The following SLC39A6 variants were observed in gnomAD, a reference collection of about 807,000 sequenced individuals.
The protein encoded by SLC39A6 is solute carrier family 39 member 6.
SLC39A6 carries 51 observed loss-of-function variants against 63.5 expected under a neutral mutation model. The observed-to-expected ratio is 0.80, with a 90% CI of 0.64 to 1.01. The LOEUF (loss-of-function observed/expected upper bound fraction) is 1.01, where lower values mean the gene tolerates loss of function less well. SLC39A6 is among the 50% of genes least tolerant of loss of function. The pLI is 0.00. For synonymous variants in SLC39A6, 318 were observed against 324.7 expected, an observed-to-expected ratio of 0.98 and a Z score of 0.22; for missense variants, 805 against 927.8, an observed-to-expected ratio of 0.87 and a Z score of 1.72.
intron 5 of SLC39A6, among the ~76,000 whole-genome samples, chr18:36,117,802 T>C (rs1624162): frequency 0.3 from 45,752 of 151,590 alleles, 7,223 homozygotes; most frequent in Middle Eastern, 0.46. Context: ...GAGGCCGAGG[T>C]GGGCGGATCA....
chr18:36,123,427 A>C (rs2089409783), intron 4 of SLC39A6, 68 bp downstream of exon 4: 3 of 1,418,576 alleles, frequency 2.1e-6, no homozygotes, highest in Middle Eastern at 1.8e-4. Context: ...AAATTCTAGC[A>C]TAAACCAAAA....
In SLC39A6 at chr18:36,109,715, C is replaced by A; in HGVS notation, c.2146G>T (p.Asp716Tyr). 1 of 1,612,120 alleles carries A rather than the reference C, an allele frequency of 6.2e-7. No individual in the cohort carries two copies. Among genetic ancestry groups the A allele is most frequent in the South Asian group, 1.1e-5 (1 of 90,674 alleles). Residue 716 changes from aspartate to tyrosine, a missense_variant, in exon 10 of 10, where the codon GAC (aspartate) becomes TAC (tyrosine). Coordinates refer to ENST00000269187, the MANE Select transcript of SLC39A6 (RefSeq NM_012319.4). ...TACCCCCAGCGGCTACATCCATGGT[C>A]ACTAGCATCATTGTGCAGCATTTCA... ...VPEMLHNDAS[D>Y]HGCSRWGYFF...
rs1238848908 is a variant in SLC39A6 at position 36,114,110 on chromosome 18, A to G, written c.1830T>C (p.Asp610=). The G allele has an allele frequency of 6.2e-7, 1 of 1,600,278 alleles. No individual in the cohort carries two copies. The highest frequency in any genetic ancestry group is 1.3e-5 in the African/African-American group (1 of 74,526). The change falls in exon 7 of 10, where the codon GAT becomes GAC. Residue 610 remains aspartate (D), a synonymous_variant. Transcript: ENST00000269187. ...GTAGATATATACCAATTGCTAGGCC[A>G]TCGCTGAAATTGTGCAGGCCATCAC... ...IMGDGLHNFS[D]GLAIGAAFTE...
chr18:36,113,545 AG>A (rs2089319373), intron 7 of SLC39A6, among the ~76,000 whole-genome samples: 1 of 152,246 alleles, frequency 6.6e-6, no homozygotes, highest in Non-Finnish European at 1.5e-5. Context: ...TCACCTTGAC[AG>A]GCCTCAGCTG....
rs1482955285 is a variant in SLC39A6, at chr18:36,126,953, T to A, written c.55A>T (p.Asn19Tyr). ...LILTFALSVT[N>Y]PLHELKAAAF... ...GCTGCTTTTAGTTCATGAAGGGGATTTGTGACAGAGAGGGCAAAGGTCAGG... is the reference window on the plus strand; with the variant it reads ...GCTGCTTTTAGTTCATGAAGGGGATATGTGACAGAGAGGGCAAAGGTCAGG... Residue 19 changes from asparagine (N) to tyrosine (Y), a missense_variant, in exon 2 of 10, where the codon AAT becomes TAT. Asn to Tyr is a moderately radical substitution (Grantham distance 143). Around this residue, in one of 4 missense-constraint regions of SLC39A6, gnomAD observed 639 missense variants for 644.0 expected, o/e 0.99. Coordinates refer to ENST00000269187, the MANE Select transcript of SLC39A6 (RefSeq NM_012319.4). The A allele has an allele frequency of 6.2e-7, 1 of 1,614,150 alleles. No homozygotes were observed. Among genetic ancestry groups the A allele is most frequent in the South Asian group, 1.1e-5 (1 of 91,082 alleles).
intron 6 of SLC39A6, among the ~76,000 whole-genome samples, chr18:36,116,102 G>T (rs1285434087): frequency 6.6e-6 from 1 of 152,200 alleles, no homozygotes. Context: ...TTTGGTGGGG[G>T]TTGGGGGAGT....
At position 36,122,160 on chromosome 18, in the gene SLC39A6, A is replaced by C; in HGVS notation, c.1251T>G (p.Tyr417Ter). 1 of 1,614,120 alleles carries C rather than the reference A, an allele frequency of 6.2e-7. No homozygotes were observed. The highest frequency in any genetic ancestry group is 8.5e-7 in the Non-Finnish European group (1 of 1,179,964). The change falls in exon 5 of 10, where the codon TAT becomes TAG. Residue 417 changes from tyrosine to a stop codon, truncating the protein, a stop_gained. Coordinates refer to ENST00000269187, the MANE Select transcript of SLC39A6 (RefSeq NM_012319.4). LOFTEE classifies it high-confidence loss of function. The stretch of plus-strand genomic sequence containing the variant: ...TTAGACCCTTCCACGTGGAATCAAA[A>C]TAGGCACTTTCTTCTATGTTTTGAG... ...LSSQNIEESA[Y>*]FDSTWKGLTA...
intron 9 of SLC39A6, 75 bp from the exon 10 acceptor site, chr18:36,109,820 T>A (rs1014821706): frequency 1.8e-6 from 2 of 1,136,470 alleles, no homozygotes; most frequent in African/African-American, 3.1e-5. Context: ...TAGAAAAATT[T>A]ATAGGACAGT....
At chr18:36,118,656 A>T (rs1052884219) in intron 5 of SLC39A6, among the ~76,000 whole-genome samples, 1 of 152,234 alleles carries the variant, frequency 6.6e-6, no homozygotes, top group Non-Finnish European at 1.5e-5. Flanking sequence ...AGGAGATCAG[A>T]CAATAGAACT....
chr18:36,118,995 G>A (rs1282118024), intron 5 of SLC39A6, among the ~76,000 whole-genome samples: 4 of 152,076 alleles, frequency 2.6e-5, no homozygotes, highest in Non-Finnish European at 4.4e-5. Flanking sequence ...TCTAGTTTTC[G>A]GCATGAACAA....
intron 7 of SLC39A6, 56 bp from the exon 8 acceptor site, chr18:36,112,637 T>C: frequency 7.5e-7 from 1 of 1,332,420 alleles, no homozygotes; most frequent in Non-Finnish European, 1.1e-6. Context: ...TTTTTTAATC[T>C]TATCAGTATG....
intron 9 of SLC39A6, 116 bp from the exon 10 acceptor site, chr18:36,109,861 G>A: frequency 1.3e-6 from 1 of 751,570 alleles, no homozygotes; most frequent in Non-Finnish European, 2.2e-6. Context: ...TAGATATACT[G>A]TGAGTTAATT....
In SLC39A6 at chr18:36,109,583, T is replaced by G; in HGVS notation, c.*10A>C. On this transcript the variant is annotated 3_prime_UTR_variant, in exon 10 of 10. Transcript: ENST00000269187. ...CAACTTTTTAAGCTACTCTAGCATT[T>G]AAACCTTAACTAGAAATTTATACGA... is the stretch of plus-strand genomic sequence containing the variant. 1 of 1,600,056 alleles carries G rather than the reference T, an allele frequency of 6.2e-7. No individual in the cohort carries two copies.
intron 9 of SLC39A6, 142 bp from the exon 10 acceptor site, chr18:36,109,887 A>G: frequency 1.6e-6 from 1 of 616,760 alleles, no homozygotes; most frequent in East Asian, 2.8e-5. Flanking sequence ...AAACATGATT[A>G]CATACATACT....
chr18:36,123,185 A>C (rs2089408107), intron 4 of SLC39A6, among the ~76,000 whole-genome samples: 1 of 152,208 alleles, frequency 6.6e-6, no homozygotes, highest in African/African-American at 2.4e-5. Context: ...AATTACACTA[A>C]CAGATAAAGC....
intron 9 of SLC39A6, 151 bp from the exon 10 acceptor site, chr18:36,109,896 C>T: frequency 3.5e-6 from 2 of 575,368 alleles, no homozygotes; most frequent in Non-Finnish European, 6.1e-6. Flanking sequence ...TACATACATA[C>T]TGACTCTAGC....
Position 36,122,050 on chromosome 18 carries a change from A to T in SLC39A6, c.1359+2T>A. 1 of 1,594,818 alleles carries T rather than the reference A, an allele frequency of 6.3e-7. No homozygotes were observed. The highest frequency in any genetic ancestry group is 1.7e-5 in the Admixed American group (1 of 59,238). The stretch of plus-strand genomic sequence containing the variant: ...GTAAGTACTCGGTATACTTTTTCTT[A>T]CCTTTTTCTTCTTATCTTTAAATTG... On this transcript the variant is annotated splice_donor_variant, in intron 5 of 9. Transcript: ENST00000269187. LOFTEE classifies it high-confidence loss of function.
At chr18:36,111,027 C>A in intron 9 of SLC39A6, 32 bp downstream of exon 9, 2 of 1,609,332 alleles carry the variant, frequency 1.2e-6, no homozygotes, top group South Asian at 2.2e-5. Flanking sequence ...TATTGTTGGT[C>A]AATAATGTAA....
At chr18:36,122,700 G>T (rs1174623449) in intron 4 of SLC39A6, among the ~76,000 whole-genome samples, 1 of 152,206 alleles carries the variant, frequency 6.6e-6, no homozygotes, top group African/African-American at 2.4e-5. Flanking sequence ...CAGGTGCACT[G>T]CCCTAGCAGC....
Sources: allele counts gnomAD v4.1 joint callset (sites outside exome capture counted in the v4.1 genomes callset), GRCh38; gene constraint gnomAD v4.1.1; regional missense constraint gnomAD v4.1.1; transcripts MANE v1.5; gene names NCBI Gene and HGNC (gene_info 2026-07-23, HGNC 2026-07-21).